Variants in ZNF723 observed in about 807,000 individuals in gnomAD.
ZNF723 encodes zinc finger protein 723, also known as zinc finger protein 723, pseudogene.
ZNF723 carries 5 observed loss-of-function variants against 9.4 expected under a neutral mutation model. The observed-to-expected ratio is 0.53, with a 90% CI of 0.28 to 1.12. ZNF723 has a LOEUF of 1.12. Among genes scored for constraint, ZNF723 ranks in the 50% most tolerant of loss-of-function variants. ZNF723 has a pLI of 0.10. For missense variants in ZNF723, 450 were observed against 501.5 expected (o/e 0.90, Z 0.98); for synonymous variants, 158 against 168.8 (o/e 0.94, Z 0.49).
chr19:22,822,258 T>C, the ZNF723 span, among the ~76,000 whole-genome samples: 1 of 152,220 alleles, frequency 6.6e-6, no homozygotes, highest in Admixed American at 6.5e-5. Context: ...AGAAGCACAC[T>C]GGTGATGTCC....
chr19:22,816,928 G>C, the ZNF723 span, among the ~76,000 whole-genome samples: 1 of 152,216 alleles, frequency 6.6e-6, no homozygotes, highest in Admixed American at 6.5e-5. Context: ...CCTCACCCTT[G>C]TTTCAAGGGA....
At chr19:22,835,963 AG>A (rs1444506589) in intron 1 of ZNF723, among the ~76,000 whole-genome samples, 3 of 152,176 alleles carry the variant, frequency 2.0e-5, no homozygotes, top group African/African-American at 7.2e-5. Flanking sequence ...TTTCTTGTTG[AG>A]GTATGAAATG....
At chr19:22,824,127 A>G in the ZNF723 span, among the ~76,000 whole-genome samples, 1 of 152,312 alleles carries the variant, frequency 6.6e-6, no homozygotes, top group East Asian at 1.9e-4. Flanking sequence ...TCTTTTGCTA[A>G]GCCCTGCTAA....
chr19:22,837,237 A>G (rs1317523233), intron 1 of ZNF723, among the ~76,000 whole-genome samples: 1 of 151,246 alleles, frequency 6.6e-6, no homozygotes, highest in East Asian at 1.9e-4. Flanking sequence ...AGATTGTGCC[A>G]CTGCACTCCA....
intron 2 of ZNF723, 105 bp downstream of exon 2, chr19:22,848,492 C>A: frequency 1.1e-6 from 1 of 884,776 alleles, no homozygotes; most frequent in Non-Finnish European, 1.7e-6. Context: ...ATGAGTTTCA[C>A]ATCACTGTTT....
intron 1 of ZNF723, among the ~76,000 whole-genome samples, chr19:22,835,492 T>C (rs753322696): frequency 3.9e-5 from 6 of 152,198 alleles, no homozygotes; most frequent in Non-Finnish European, 8.8e-5. Flanking sequence ...ATATATTCCA[T>C]TTGTTAAGAG....
intron 3 of ZNF723, among the ~76,000 whole-genome samples, chr19:22,856,840 G>C (rs955295392): frequency 2.0e-5 from 3 of 152,156 alleles, no homozygotes; most frequent in Non-Finnish European, 4.4e-5. Flanking sequence ...CTATATTGGG[G>C]AGCAGAAAGA....
chr19:22,849,128 G>A, intron 2 of ZNF723, 70 bp from the exon 3 acceptor site: 1 of 477,996 alleles, frequency 2.1e-6, no homozygotes. Flanking sequence ...ATTCTATTAT[G>A]TTCTCTTTAC....
chr19:22,857,336 A>G lies in ZNF723; in HGVS notation c.445A>G (p.Lys149Glu), dbSNP rs1967493640. 1.2e-6 allele frequency: 1 copy of G among 821,348 alleles called. No individual in the cohort carries two copies. The highest frequency in any genetic ancestry group is 2.2e-6 in the Non-Finnish European group (1 of 460,038). The allele number at this position is 821,348 out of a possible 1,614,324, so 50.9% of individuals were successfully genotyped here. ...TTPSKIFQCDKYVKVFHKFSS... is the reference protein window; with the variant it reads ...TTPSKIFQCDEYVKVFHKFSS... The stretch of plus-strand genomic sequence containing the variant: ...CCCGAGCAAAATATTTCAATGTGAT[A>G]AATATGTAAAAGTCTTTCATAAATT... The change falls in exon 4 of 4, where the codon AAA becomes GAA. Residue 149 changes from lysine (K) to glutamate (E), a missense_variant. By Grantham distance (56) the Lys-to-Glu change is moderately conservative. Transcript: ENST00000600766.
At chr19:22,817,490 G>T in the ZNF723 span, among the ~76,000 whole-genome samples, 3 of 152,014 alleles carry the variant, frequency 2.0e-5, no homozygotes, top group Non-Finnish European at 2.9e-5. Flanking sequence ...CAGCAATTAG[G>T]TGAGGTGTCT....
At chr19:22,839,343 T>C (rs2145211040) in intron 1 of ZNF723, among the ~76,000 whole-genome samples, 1 of 152,332 alleles carries the variant, frequency 6.6e-6, no homozygotes, top group South Asian at 2.1e-4. Context: ...ATGCTAATTC[T>C]GTTTTTAGTT....
chr19:22,830,459 T>C (rs1967081944), upstream of ZNF723, among the ~76,000 whole-genome samples: 2 of 152,132 alleles, frequency 1.3e-5, no homozygotes, highest in Non-Finnish European at 1.5e-5. Context: ...TGAGGCGCCG[T>C]GTGCTTCTGC....
At chr19:22,831,662 G>A (rs1199710771), upstream of ZNF723, among the ~76,000 whole-genome samples, 1 of 152,056 alleles carries the variant, frequency 6.6e-6, no homozygotes, top group African/African-American at 2.4e-5. Context: ...TGTAATCCCA[G>A]CACTTTGGGA....
At chr19:22,829,342 G>T (rs1009729250), upstream of ZNF723, among the ~76,000 whole-genome samples, 3 of 150,930 alleles carry the variant, frequency 2.0e-5, no homozygotes, top group African/African-American at 7.3e-5. Flanking sequence ...CTGGAGTGCA[G>T]CGGCGAGATT....
Position 22,849,206 on chromosome 19 carries a change from GTC to G in ZNF723, c.143_144del (p.Ser48Ter). 1 of 603,400 alleles carries G rather than the reference GTC, an allele frequency of 1.7e-6. No individual in the cohort carries two copies. The highest frequency in any genetic ancestry group is 3.0e-6 in the Non-Finnish European group (1 of 333,274). The allele number at this position is 603,400 out of a possible 1,614,324, so 37.4% of individuals were successfully genotyped here. On this transcript the variant is annotated frameshift_variant, in exon 3 of 4. Transcript: ENST00000600766. LOFTEE classifies it high-confidence loss of function. Reference sequence around the variant, plus strand: ...TATTTTTAATAAAACAGGTGTTGGTGTCTCTAAGCCAGATTTAATCACCTGTC... The same window carrying G: ...TATTTTTAATAAAACAGGTGTTGGTGTCTAAGCCAGATTTAATCACCTGTC... ...YRNLVFLGVG[V>X]SKPDLITCLE...
At chr19:22,844,290 AT>A (rs2145217299) in intron 1 of ZNF723, among the ~76,000 whole-genome samples, 1 of 151,964 alleles carries the variant, frequency 6.6e-6, no homozygotes, top group South Asian at 2.1e-4. Context: ...CACAAAAAAA[AT>A]ATAAACACAA....
intron 1 of ZNF723, among the ~76,000 whole-genome samples, chr19:22,842,452 AAATAT>A (rs1967260141): frequency 6.6e-6 from 1 of 152,164 alleles, no homozygotes; most frequent in African/African-American, 2.4e-5. Flanking sequence ...TCATTTCTGT[AAATAT>A]AATAAAAATT....
chr19:22,824,944 C>T, the ZNF723 span, among the ~76,000 whole-genome samples: 10 of 152,164 alleles, frequency 6.6e-5, no homozygotes, highest in Non-Finnish European at 1.3e-4. Flanking sequence ...CATAACAGCA[C>T]AAGAGTCTCA....
intron 1 of ZNF723, among the ~76,000 whole-genome samples, chr19:22,839,304 T>C (rs973318295): frequency 2.6e-5 from 4 of 152,190 alleles, no homozygotes; most frequent in Admixed American, 1.3e-4. Flanking sequence ...TCTTTGGGCA[T>C]ATACCCATTT....
Sources: gnomAD v4.1 joint callset for allele counts (sites outside exome capture counted in the v4.1 genomes callset) on GRCh38, gnomAD v4.1.1 for gene constraint, MANE v1.5 for transcripts, NCBI Gene and HGNC (gene_info 2026-07-23, HGNC 2026-07-21) for gene names.